The following ITGB5 variants were observed in gnomAD, a reference collection of about 807,000 sequenced individuals.
ITGB5 encodes the protein integrin subunit beta 5.
A neutral mutation model predicts 84.8 loss-of-function variants in ITGB5; 38 were observed. That is an observed-to-expected ratio of 0.45 (90% CI 0.35 to 0.59). The LOEUF is 0.59. ITGB5 is among the 20% of genes least tolerant of loss of function. The pLI is 0.01. For synonymous variants in ITGB5, 393 were observed against 414.4 expected (o/e 0.95, Z 0.63); for missense variants, 905 against 1,034.5 (o/e 0.87, Z 1.72).
intron 10 of ITGB5, among the ~76,000 whole-genome samples, chr3:124,776,014 C>T (rs1376919590): frequency 6.6e-6 from 1 of 152,230 alleles, no homozygotes; most frequent in African/African-American, 2.4e-5. Flanking sequence ...CCTCCCATGT[C>T]ACAGGCAGCG....
chr3:124,833,901 A>G (rs2064892387), intron 5 of ITGB5, among the ~76,000 whole-genome samples: 1 of 152,184 alleles, frequency 6.6e-6, no homozygotes, highest in Non-Finnish European at 1.5e-5. Context: ...TAAAAATAAG[A>G]TGATAACTAG....
intron 10 of ITGB5, among the ~76,000 whole-genome samples, chr3:124,789,450 T>C (rs1272790063): frequency 8.0e-6 from 1 of 124,466 alleles, no homozygotes; most frequent in Non-Finnish European, 1.7e-5. Context: ...CAGAACCGCC[T>C]CTGACTAGAC....
chr3:124,804,829 G>A (rs758495790), intron 9 of ITGB5, among the ~76,000 whole-genome samples: 9 of 151,932 alleles, frequency 5.9e-5, no homozygotes, highest in Non-Finnish European at 1.2e-4. Context: ...ACCACGCCCC[G>A]CTAATTTTTG....
At chr3:124,842,778 T>C (rs1315686773) in intron 4 of ITGB5, among the ~76,000 whole-genome samples, 3 of 152,198 alleles carry the variant, frequency 2.0e-5, no homozygotes, top group Admixed American at 6.5e-5. Context: ...GACCCTGCCT[T>C]AAATGCTGTC....
chr3:124,780,982 C>T (rs913432816), intron 10 of ITGB5, among the ~76,000 whole-genome samples: 10 of 152,162 alleles, frequency 6.6e-5, no homozygotes, highest in Non-Finnish European at 1.5e-4. Context: ...CATCAACTGT[C>T]GTAGGCAGAG....
chr3:124,809,698 T>C (rs1383228284), intron 8 of ITGB5, among the ~76,000 whole-genome samples: 1 of 152,154 alleles, frequency 6.6e-6, no homozygotes, highest in Non-Finnish European at 1.5e-5. Flanking sequence ...TCAGATGAGG[T>C]CCATATGCCT....
At chr3:124,839,679 T>C (rs760687741) in intron 5 of ITGB5, among the ~76,000 whole-genome samples, 8 of 152,232 alleles carry the variant, frequency 5.3e-5, no homozygotes, top group East Asian at 1.9e-4. Flanking sequence ...ACGCCTCCTA[T>C]AGTCAATATC....
chr3:124,877,619 A>C (rs1240114068), intron 1 of ITGB5, among the ~76,000 whole-genome samples: 1 of 152,118 alleles, frequency 6.6e-6, no homozygotes, highest in Non-Finnish European at 1.5e-5. Context: ...TAAGATAATG[A>C]GAGTATGTGA....
At chr3:124,822,131 A>C (rs552351355) in intron 5 of ITGB5, among the ~76,000 whole-genome samples, 1 of 152,216 alleles carries the variant, frequency 6.6e-6, no homozygotes, top group Non-Finnish European at 1.5e-5. Flanking sequence ...TCCAGAATTC[A>C]GATGGAGGCA....
chr3:124,772,779 C>G (rs1408424723), intron 11 of ITGB5, among the ~76,000 whole-genome samples: 4 of 152,140 alleles, frequency 2.6e-5, no homozygotes, highest in Admixed American at 2.0e-4. Context: ...CAGGTCTAGA[C>G]AATCTCTGCA....
chr3:124,796,100 T>C (rs914980366), intron 10 of ITGB5, among the ~76,000 whole-genome samples: 4 of 152,138 alleles, frequency 2.6e-5, no homozygotes, highest in East Asian at 1.9e-4. Flanking sequence ...CTGTCAGGAA[T>C]GCTGTGCAGG....
At chr3:124,786,568 G>A (rs927457878) in intron 10 of ITGB5, among the ~76,000 whole-genome samples, 6 of 152,176 alleles carry the variant, frequency 3.9e-5, no homozygotes, top group African/African-American at 1.4e-4. Context: ...ATGGGGTGGA[G>A]TGACAGCAGG....
At chr3:124,852,351 G>A (rs1467837174) in intron 3 of ITGB5, among the ~76,000 whole-genome samples, 1 of 151,940 alleles carries the variant, frequency 6.6e-6, no homozygotes, top group Non-Finnish European at 1.5e-5. Context: ...CAGGACCAGG[G>A]GCAGGACCAG....
At chr3:124,790,561 A>T (rs370819144) in intron 10 of ITGB5, among the ~76,000 whole-genome samples, 2 of 152,340 alleles carry the variant, frequency 1.3e-5, no homozygotes, top group African/African-American at 4.8e-5. Context: ...CTTTGACTAG[A>T]CAGGGTTAAC....
rs2150935589 is a variant in ITGB5, at chr3:124,773,779, G to A, written c.1827C>T (p.Leu609=). The A allele has an allele frequency of 1.9e-6, 3 of 1,613,662 alleles. No homozygotes were observed. Among genetic ancestry groups the A allele is most frequent in the Non-Finnish European group, 2.5e-6 (3 of 1,180,024 alleles). ...GQICSERGHC[L]CGQCQCTEPG... is the part of the protein sequence containing the mutation. ...GCTCCGTGCATTGGCACTGCCCACAGAGACAGTGCCCACGCTCGCTGCAGA... is the reference window on the plus strand; with the variant it reads ...GCTCCGTGCATTGGCACTGCCCACAAAGACAGTGCCCACGCTCGCTGCAGA... Residue 609 remains leucine (L), a synonymous_variant, in exon 11 of 15, where the codon CTC becomes CTT. Coordinates refer to ENST00000296181, the MANE Select transcript of ITGB5 (RefSeq NM_002213.5).
At chr3:124,777,780 C>A (rs1408430306) in intron 10 of ITGB5, among the ~76,000 whole-genome samples, 1 of 152,188 alleles carries the variant, frequency 6.6e-6, no homozygotes, top group Non-Finnish European at 1.5e-5. Flanking sequence ...AAAGCGTGAC[C>A]CACACAGACA....
intron 5 of ITGB5, among the ~76,000 whole-genome samples, chr3:124,822,646 C>G (rs1356392114): frequency 1.3e-5 from 2 of 152,218 alleles, no homozygotes; most frequent in Non-Finnish European, 2.9e-5. Context: ...TGAGGACTGA[C>G]AGCCAGGAGA....
chr3:124,763,578 A>C lies in ITGB5; in HGVS notation c.*45T>G. ...CAGCCGTGCAAGGCGTTTCAGTCTGACCTTTTCATCAGATCCCCGCTCCAG... is the reference window on the plus strand; with the variant it reads ...CAGCCGTGCAAGGCGTTTCAGTCTGCCCTTTTCATCAGATCCCCGCTCCAG... On this transcript the variant is annotated 3_prime_UTR_variant, in exon 15 of 15. Transcript: ENST00000296181. 1 of 1,216,942 alleles carries C rather than the reference A, an allele frequency of 8.2e-7. No homozygotes were observed. The highest frequency in any genetic ancestry group is 1.2e-5 in the South Asian group (1 of 81,532). The allele number at this position is 1,216,942 out of a possible 1,614,324, so 75.4% of individuals were successfully genotyped here. A position where few individuals can be genotyped will look rare whatever the true frequency, so the allele number is the denominator to read the frequency against.
At chr3:124,808,970 GAC>G in intron 9 of ITGB5, 50 bp downstream of exon 9, 1 of 1,580,162 alleles carries the variant, frequency 6.3e-7, no homozygotes, top group Non-Finnish European at 8.6e-7. Flanking sequence ...AGAACCCAAA[GAC>G]TGATGACCAA....
Sources: gnomAD v4.1 joint callset for allele counts (sites outside exome capture counted in the v4.1 genomes callset) on GRCh38, gnomAD v4.1.1 for gene constraint, MANE v1.5 for transcripts, NCBI Gene and HGNC (gene_info 2026-07-23, HGNC 2026-07-21) for gene names.